The following ATP2B1 variants were observed in gnomAD, a reference collection of about 807,000 sequenced individuals.
ATP2B1 encodes ATPase plasma membrane Ca2+ transporting 1, also known as plasma membrane calcium-transporting ATPase 1.
A neutral mutation model predicts 124.2 loss-of-function variants in ATP2B1; 14 were observed. The observed-to-expected ratio is 0.11, with a 90% CI of 0.07 to 0.18. The LOEUF (loss-of-function observed/expected upper bound fraction) is 0.18, where lower values mean the gene tolerates loss of function less well. Among genes scored for constraint, ATP2B1 ranks in the 10% least tolerant of loss-of-function variants. The pLI, the probability that ATP2B1 is intolerant of heterozygous loss-of-function variation, is 1.00. For missense variants in ATP2B1, 763 were observed against 1,466.1 expected, an observed-to-expected ratio of 0.52 and a Z score of 7.83; for synonymous variants, 449 against 492.4, an observed-to-expected ratio of 0.91 and a Z score of 1.17.
At chr12:89,705,389 T>C (rs1056689700) in intron 1 of ATP2B1, among the ~76,000 whole-genome samples, 1 of 152,152 alleles carries the variant, frequency 6.6e-6, no homozygotes, top group African/African-American at 2.4e-5. Flanking sequence ...TTCTGCTTTC[T>C]GATCCTCAGT....
chr12:89,627,048 C>G (rs1359430881), intron 7 of ATP2B1, among the ~76,000 whole-genome samples: 2 of 151,986 alleles, frequency 1.3e-5, no homozygotes, highest in Non-Finnish European at 2.9e-5. Flanking sequence ...TATTTTGTTT[C>G]TTATGCATTT....
At chr12:89,674,219 A>C (rs1437605683) in intron 1 of ATP2B1, among the ~76,000 whole-genome samples, 2 of 152,186 alleles carry the variant, frequency 1.3e-5, no homozygotes, top group African/African-American at 2.4e-5. Flanking sequence ...TACACAATTT[A>C]ATTACAATTG....
In ATP2B1 at chr12:89,630,494, G is replaced by T; in HGVS notation, c.928+11C>A. 6.5e-7 allele frequency: 1 copy of T among 1,534,492 alleles called. No individual in the cohort carries two copies. The highest frequency in any genetic ancestry group is 8.8e-7 in the Non-Finnish European group (1 of 1,137,482). On this transcript the variant is annotated intron_variant, in intron 6 of 20. Coordinates refer to ENST00000428670, the MANE Select transcript of ATP2B1 (RefSeq NM_001366521.1). The stretch of plus-strand genomic sequence containing the variant: ...TTCCAAATACCAATTATAGAAAATT[G>T]TTATTCTTACTTTTCTTTTCCTTTT...
intron 2 of ATP2B1, among the ~76,000 whole-genome samples, chr12:89,649,375 C>T (rs1398677883): frequency 1.3e-5 from 2 of 152,242 alleles, no homozygotes; most frequent in Non-Finnish European, 2.9e-5. Flanking sequence ...GCCCTAGATG[C>T]AGAATATGCA....
chr12:89,644,015 A>T (rs541911360), intron 2 of ATP2B1, among the ~76,000 whole-genome samples: 1 of 152,266 alleles, frequency 6.6e-6, no homozygotes, highest in East Asian at 1.9e-4. Context: ...CCAGCTACTC[A>T]GGAGGCTGAG....
intron 15 of ATP2B1, among the ~76,000 whole-genome samples, chr12:89,605,713 T>C (rs1350312803): frequency 1.3e-5 from 2 of 152,102 alleles, no homozygotes; most frequent in East Asian, 1.9e-4. Flanking sequence ...AAGAAGATGA[T>C]GCCACTGAAT....
At chr12:89,673,639 C>T (rs536005757) in intron 1 of ATP2B1, among the ~76,000 whole-genome samples, 1 of 152,302 alleles carries the variant, frequency 6.6e-6, no homozygotes, top group East Asian at 1.9e-4. Flanking sequence ...CTATCTCTTT[C>T]ATAAGGACCC....
intron 15 of ATP2B1, among the ~76,000 whole-genome samples, chr12:89,604,819 G>T (rs1044347330): frequency 6.6e-6 from 1 of 152,076 alleles, no homozygotes; most frequent in Non-Finnish European, 1.5e-5. Flanking sequence ...CAAGTGTAGA[G>T]AAAGTAGAAG....
chr12:89,609,844 A>T (rs1379327068), intron 15 of ATP2B1, 93 bp downstream of exon 15: 2 of 1,178,790 alleles, frequency 1.7e-6, no homozygotes, highest in Admixed American at 2.0e-5. Flanking sequence ...GACAGTGTTT[A>T]AAATCCATAG....
At chr12:89,605,945 G>A (rs143162140) in intron 15 of ATP2B1, among the ~76,000 whole-genome samples, 3 of 152,146 alleles carry the variant, frequency 2.0e-5, no homozygotes, top group African/African-American at 7.2e-5. Context: ...TAAGTACATA[G>A]AAAAACTAAG....
intron 5 of ATP2B1, among the ~76,000 whole-genome samples, chr12:89,633,613 T>C (rs1002350176): frequency 6.6e-6 from 1 of 152,126 alleles, no homozygotes; most frequent in Admixed American, 6.5e-5. Context: ...TAAATGTGTC[T>C]GGTTCTTTGC....
At chr12:89,683,310 TG>T (rs1380122224) in intron 1 of ATP2B1, among the ~76,000 whole-genome samples, 1 of 152,234 alleles carries the variant, frequency 6.6e-6, no homozygotes, top group Non-Finnish European at 1.5e-5. Context: ...CACTTGAATC[TG>T]GGCAGACTTA....
chr12:89,635,974 A>T (rs1295972119), intron 3 of ATP2B1, among the ~76,000 whole-genome samples: 2 of 152,144 alleles, frequency 1.3e-5, no homozygotes, highest in African/African-American at 2.4e-5. Context: ...AATTCAGATA[A>T]TAATACACAA....
chr12:89,661,656 C>A (rs1181763475), intron 1 of ATP2B1, among the ~76,000 whole-genome samples: 1 of 152,128 alleles, frequency 6.6e-6, no homozygotes, highest in Non-Finnish European at 1.5e-5. Flanking sequence ...TTAGATGCAC[C>A]ATTTGACTAA....
chr12:89,610,543 A>C (rs1208490652), intron 13 of ATP2B1, 35 bp from the exon 14 acceptor site: 2 of 1,535,898 alleles, frequency 1.3e-6, no homozygotes, highest in South Asian at 1.1e-5. Flanking sequence ...ATATGCCCAA[A>C]CATAGTTTCT....
intron 1 of ATP2B1, among the ~76,000 whole-genome samples, chr12:89,670,509 G>GT (rs933238721): frequency 6.6e-6 from 1 of 151,810 alleles, no homozygotes; most frequent in Non-Finnish European, 1.5e-5. Flanking sequence ...AGATGCTGAG[G>GT]TTTGGAGTAT....
chr12:89,682,103 CA>C (rs1889428977), intron 1 of ATP2B1, among the ~76,000 whole-genome samples: 1 of 151,952 alleles, frequency 6.6e-6, no homozygotes, highest in Non-Finnish European at 1.5e-5. Context: ...TAACCAATTA[CA>C]AAATATAACA....
intron 15 of ATP2B1, among the ~76,000 whole-genome samples, chr12:89,607,803 T>A (rs1440905201): frequency 6.6e-6 from 1 of 152,168 alleles, no homozygotes; most frequent in Non-Finnish European, 1.5e-5. Context: ...CTGCACATGT[T>A]CACTACAGAT....
rs1485378689 is a variant in ATP2B1 at position 89,610,714 on chromosome 12, TTTAATAATC to T, written c.2248-215_2248-207del. 16 of 512,116 alleles carry T rather than the reference TTTAATAATC, an allele frequency of 3.1e-5. No homozygotes were observed. In the African/African-American group the frequency reaches 3.1e-4, roughly 10 times the overall value. The allele number at this position is 512,116 out of a possible 1,614,324, so 31.7% of individuals were successfully genotyped here. A position where few individuals can be genotyped will look rare whatever the true frequency, so the allele number is the denominator to read the frequency against. On this transcript the variant is annotated intron_variant, in intron 13 of 20. Transcript: ENST00000428670. ...GTGGGGCAGGCCCAGCAATCTGTGTTTTAATAATCTTGCTAGGTGACTTTGATGCATACT... is the reference window on the plus strand; with the variant it reads ...GTGGGGCAGGCCCAGCAATCTGTGTTTTGCTAGGTGACTTTGATGCATACT...
Sources: gnomAD v4.1 joint callset for allele counts (sites outside exome capture counted in the v4.1 genomes callset) on GRCh38, gnomAD v4.1.1 for gene constraint, MANE v1.5 for transcripts, NCBI Gene and HGNC (gene_info 2026-07-23, HGNC 2026-07-21) for gene names.